The following MDN1 variants were observed in gnomAD, a reference collection of about 807,000 sequenced individuals.
MDN1 encodes the protein midasin.
A neutral mutation model predicts 669.2 loss-of-function variants in MDN1; 266 were observed. The observed-to-expected ratio is 0.40, with a 90% CI of 0.36 to 0.44. The LOEUF (loss-of-function observed/expected upper bound fraction) is 0.44, where lower values mean the gene tolerates loss of function less well. MDN1 is among the 20% of genes least tolerant of loss of function. MDN1 has a pLI of 1.00. For synonymous variants in MDN1, 2,385 were observed against 2,457.1 expected (o/e 0.97, Z 0.87); for missense variants, 5,940 against 6,754.0 (o/e 0.88, Z 4.22).
At chr6:89,778,835 G>A (rs977561429) in intron 11 of MDN1, among the ~76,000 whole-genome samples, 1 of 151,142 alleles carries the variant, frequency 6.6e-6, no homozygotes, top group Non-Finnish European at 1.5e-5. Context: ...GCAGTGAGCC[G>A]AGATCACGCC....
intron 101 of MDN1, 96 bp from the exon 102 acceptor site, chr6:89,644,289 C>T (rs1163449386): frequency 2.0e-6 from 2 of 1,018,538 alleles, no homozygotes; most frequent in East Asian, 5.0e-5. Context: ...TTTTACATCT[C>T]CTGTGTCTTA....
chr6:89,787,069 C>T (rs1819001383), intron 8 of MDN1, among the ~76,000 whole-genome samples: 2 of 133,346 alleles, frequency 1.5e-5, no homozygotes. Context: ...AGTGAGACCC[C>T]ATTTCAAGAA....
At chr6:89,751,391 C>G in intron 23 of MDN1, 40 bp downstream of exon 23, 2 of 1,612,500 alleles carry the variant, frequency 1.2e-6, no homozygotes, top group East Asian at 4.5e-5. Context: ...ATGCCTATGC[C>G]TGTATCAAGT....
intron 72 of MDN1, 106 bp from the exon 73 acceptor site, chr6:89,683,436 AC>A (rs1811782614): frequency 1.2e-6 from 1 of 847,148 alleles, no homozygotes; most frequent in Admixed American, 2.5e-5. Context: ...AATACCCTGT[AC>A]CTTTTATATA....
At chr6:89,677,544 A>G (rs1472783816) in intron 76 of MDN1, 26 bp downstream of exon 76, 1 of 1,612,066 alleles carries the variant, frequency 6.2e-7, no homozygotes, top group Admixed American at 1.7e-5. Flanking sequence ...ATAAGTAGGG[A>G]AAAAACAAAA....
Position 89,749,380 on chromosome 6 carries a change from C to T in MDN1, c.3616-11G>A, listed in dbSNP as rs1407034444. ...GGCTCTAGAAAGGACCTAGACAAAG[C>T]ACAGGAAGAATGCAGTAAAAGGTGC... On this transcript the variant is annotated splice_polypyrimidine_tract_variant and intron_variant, in intron 25 of 101. Transcript: ENST00000369393. The T allele has an allele frequency of 6.2e-7, 1 of 1,613,004 alleles. No individual in the cohort carries two copies. The highest frequency in any genetic ancestry group is 8.5e-7 in the Non-Finnish European group (1 of 1,179,534).
intron 11 of MDN1, among the ~76,000 whole-genome samples, chr6:89,776,934 C>A (rs1486976591): frequency 6.6e-6 from 1 of 151,994 alleles, no homozygotes. Context: ...ATAAAAAAAA[C>A]AAACAACAAA....
chr6:89,812,230 C>T (rs1460877286), intron 1 of MDN1, among the ~76,000 whole-genome samples: 1 of 151,914 alleles, frequency 6.6e-6, no homozygotes, highest in African/African-American at 2.4e-5. Flanking sequence ...GTGATTCGCC[C>T]ACCTTGGCCC....
chr6:89,781,359 AAAAG>A (rs758859202), intron 10 of MDN1, 36 bp downstream of exon 10: 34 of 1,592,334 alleles, frequency 2.1e-5, no homozygotes, highest in Admixed American at 6.7e-5. Context: ...TCACAAAAAA[AAAAG>A]AAAGAAAGAA....
At chr6:89,773,122 G>C (rs988846942) in intron 13 of MDN1, among the ~76,000 whole-genome samples, 1 of 152,186 alleles carries the variant, frequency 6.6e-6, no homozygotes, top group African/African-American at 2.4e-5. Context: ...CTATGAATGT[G>C]ACCTTATTTC....
At chr6:89,760,488 A>C (rs1355862745) in intron 17 of MDN1, among the ~76,000 whole-genome samples, 1 of 152,188 alleles carries the variant, frequency 6.6e-6, no homozygotes, top group South Asian at 2.1e-4. Context: ...ATTCCCAAAA[A>C]AAATCTGAAA....
chr6:89,694,415 T>G (rs1413947165), intron 61 of MDN1, among the ~76,000 whole-genome samples: 1 of 152,222 alleles, frequency 6.6e-6, no homozygotes, highest in Non-Finnish European at 1.5e-5. Flanking sequence ...CTATAGGAGC[T>G]TAGCCTTCAC....
In MDN1 at chr6:89,643,107, A is replaced by G. The variant is rs1357312809; in HGVS notation, c.*898T>C. 6.6e-6 allele frequency: 1 copy of G among 152,240 alleles called. No homozygotes were observed. Among genetic ancestry groups the G allele is most frequent in the Non-Finnish European group, 1.5e-5 (1 of 68,056 alleles). The allele number at this position is 152,240 out of a possible 1,614,324, so 9.4% of individuals were successfully genotyped here. On this transcript the variant is annotated 3_prime_UTR_variant, in exon 102 of 102. Coordinates refer to ENST00000369393, the MANE Select transcript of MDN1 (RefSeq NM_014611.3). ...CTAAAGATCAGTTTCTTTCGACTGG[A>G]AAAAATAGATGGAGCTGCTGAGTTC...
At chr6:89,715,873 C>A (rs898654992) in intron 44 of MDN1, 104 bp from the exon 45 acceptor site, 1 of 764,902 alleles carries the variant, frequency 1.3e-6, no homozygotes, top group Non-Finnish European at 2.3e-6. Flanking sequence ...CATTTCCTTT[C>A]GGCACAATCA....
intron 15 of MDN1, among the ~76,000 whole-genome samples, chr6:89,766,101 CCTAG>C (rs1253852910): frequency 6.6e-6 from 1 of 152,118 alleles, no homozygotes; most frequent in Non-Finnish European, 1.5e-5. Context: ...TTGAGACCAA[CCTAG>C]CTAGCCAAAA....
Position 89,674,309 on chromosome 6 carries a change from C to T in MDN1, c.13042G>A (p.Val4348Met). 6.2e-7 allele frequency: 1 copy of T among 1,614,258 alleles called. No homozygotes were observed. Among genetic ancestry groups the T allele is most frequent in the Non-Finnish European group, 8.5e-7 (1 of 1,180,054 alleles). Residue 4348 changes from valine to methionine, a missense_variant, in exon 79 of 102, where the codon GTG becomes ATG. Physicochemically the swap from Val to Met is conservative, Grantham distance 21. Coordinates refer to ENST00000369393, the MANE Select transcript of MDN1 (RefSeq NM_014611.3). ...ELSKGQLCGV[V>M]LDLIPSNLSY... ...AGATTGGAAGGAATTAGGTCCAGCA[C>T]TACTCCACAAAGTTGTCCCTTGCTA... is the stretch of plus-strand genomic sequence containing the variant.
intron 83 of MDN1, among the ~76,000 whole-genome samples, chr6:89,670,168 A>ATTTTTTTTTTTTT (rs1431713155): frequency 1.4e-4 from 3 of 21,638 alleles, no homozygotes; most frequent in Admixed American, 2.2e-3. Context: ...ATATATATAT[A>ATTTTTTTTTTTTT]TATTTTTTTT....
At chr6:89,664,698 A>G (rs1425392589) in intron 84 of MDN1, 70 bp from the exon 85 acceptor site, 1 of 1,272,644 alleles carries the variant, frequency 7.9e-7, no homozygotes, top group Non-Finnish European at 1.1e-6. Flanking sequence ...TGAGATATAA[A>G]TGCCAAGGTT....
intron 1 of MDN1, among the ~76,000 whole-genome samples, chr6:89,816,671 ATCTT>A (rs1242746222): frequency 1.4e-5 from 2 of 146,896 alleles, no homozygotes; most frequent in Non-Finnish European, 3.0e-5. Flanking sequence ...CCACACCCCT[ATCTT>A]TTTTTTTTTT....
Sources: gnomAD v4.1 joint callset for allele counts (sites outside exome capture counted in the v4.1 genomes callset) on GRCh38, gnomAD v4.1.1 for gene constraint, MANE v1.5 for transcripts, NCBI Gene and HGNC (gene_info 2026-07-23, HGNC 2026-07-21) for gene names.